Variants in CCDC171 observed in about 807,000 individuals in gnomAD.
CCDC171 encodes the protein coiled-coil domain-containing protein 171.
CCDC171 carries 177 observed loss-of-function variants against 168.2 expected under a neutral mutation model. The ratio of observed to expected loss-of-function variants is 1.05; its 90% CI spans 0.93 to 1.19. The LOEUF (loss-of-function observed/expected upper bound fraction) is 1.19. CCDC171 is among the 50% of genes most tolerant of loss of function. The pLI, the probability that CCDC171 is intolerant of heterozygous loss-of-function variation, is 0.00. For missense variants in CCDC171, 1,991 were observed against 1,539.0 expected (o/e 1.29, Z -4.91); for synonymous variants, 687 against 540.8 (o/e 1.27, Z -3.75).
intron 8 of CCDC171, among the ~76,000 whole-genome samples, chr9:15,662,225 C>T (rs1036741541): frequency 1.3e-5 from 2 of 152,072 alleles, no homozygotes; most frequent in Non-Finnish European, 2.9e-5. Flanking sequence ...TGCAGTGAGC[C>T]GAGATCGTGC....
rs117755982 is a variant in CCDC171, at chr9:15,900,129, G to A, written c.3601-20141G>A. The stretch of plus-strand genomic sequence containing the variant: ...GCTATAAAATTAGTCTTCTCCCCTC[G>A]ATGGTGGGTGATACCAGTAAATGTA... On this transcript the variant is annotated intron_variant, in intron 24 of 25. Transcript: ENST00000380701. 1.8e-4 allele frequency among the ~76,000 whole-genome samples: 27 copies of A among 152,188 alleles called. No individual in the cohort carries two copies. In the East Asian group the frequency reaches 4.6e-3, roughly 26 times the overall value.
At chr9:15,647,499 G>C (rs192560425) in intron 7 of CCDC171, among the ~76,000 whole-genome samples, 1,692 of 151,900 alleles carry the variant, frequency 0.011, 19 homozygotes, top group South Asian at 0.027. Flanking sequence ...TAGACCACTA[G>C]CAAGACTAAT....
At chr9:15,571,889 A>C in intron 3 of CCDC171, 130 bp downstream of exon 3, 1 of 727,200 alleles carries the variant, frequency 1.4e-6, no homozygotes, top group Non-Finnish European at 2.2e-6. Context: ...AAATTGTAAT[A>C]AAGGAAACAT....
chr9:15,834,179 G>T (rs780728474), intron 21 of CCDC171, among the ~76,000 whole-genome samples: 2 of 151,976 alleles, frequency 1.3e-5, no homozygotes, highest in East Asian at 1.9e-4. Context: ...ACTCAGCAAT[G>T]GTTTTGTTTC....
intron 25 of CCDC171, among the ~76,000 whole-genome samples, chr9:15,939,876 G>C (rs959019943): frequency 6.6e-5 from 10 of 151,832 alleles, no homozygotes; most frequent in Non-Finnish European, 1.5e-4. Context: ...ATGTCATAAA[G>C]TATCAATTAC....
At chr9:15,699,763 G>T (rs949987540) in intron 11 of CCDC171, among the ~76,000 whole-genome samples, 1 of 151,984 alleles carries the variant, frequency 6.6e-6, no homozygotes, top group Non-Finnish European at 1.5e-5. Context: ...TACAATCCCT[G>T]AGCTAGACAT....
intron 25 of CCDC171, among the ~76,000 whole-genome samples, chr9:15,946,644 T>C (rs2132385250): frequency 6.6e-6 from 1 of 152,164 alleles, no homozygotes; most frequent in Middle Eastern, 3.4e-3. Context: ...TACCAATGAC[T>C]TTCTTCACAG....
intron 3 of CCDC171, among the ~76,000 whole-genome samples, chr9:15,980,263 A>G (rs1194290392): frequency 6.6e-6 from 1 of 152,190 alleles, no homozygotes; most frequent in Non-Finnish European, 1.5e-5. Flanking sequence ...AAACAGGAAT[A>G]ATCTGCCCCC....
chr9:15,756,451 G>A (rs561843611), intron 18 of CCDC171, among the ~76,000 whole-genome samples: 55 of 152,234 alleles, frequency 3.6e-4, no homozygotes, highest in African/African-American at 1.3e-3. Flanking sequence ...ATTGTGTGAT[G>A]CTGAGGTTTG....
At chr9:16,083,725 C>T in the CCDC171 span, among the ~76,000 whole-genome samples, 2 of 152,260 alleles carry the variant, frequency 1.3e-5, no homozygotes, top group South Asian at 2.1e-4. Flanking sequence ...TGTTGAAAGG[C>T]CCTTCCAGTG....
chr9:15,837,053 A>G (rs1163013866), intron 21 of CCDC171, among the ~76,000 whole-genome samples: 1 of 152,180 alleles, frequency 6.6e-6, no homozygotes, highest in Non-Finnish European at 1.5e-5. Context: ...AGGGTTGAAA[A>G]TAGTTATCTC....
the CCDC171 span, among the ~76,000 whole-genome samples, chr9:16,085,524 A>G: frequency 1.6e-3 from 240 of 152,316 alleles, no homozygotes; most frequent in African/African-American, 5.4e-3. Flanking sequence ...GTGACTGAAC[A>G]CAGGTCTGCC....
intron 10 of CCDC171, among the ~76,000 whole-genome samples, chr9:15,690,333 AAAT>A (rs1367485202): frequency 1.3e-5 from 2 of 152,238 alleles, no homozygotes; most frequent in Non-Finnish European, 2.9e-5. Flanking sequence ...GGTACTGACA[AAAT>A]AATGAAGAAA....
chr9:15,627,017 A>T (rs1039066984), intron 7 of CCDC171, among the ~76,000 whole-genome samples: 2 of 151,976 alleles, frequency 1.3e-5, no homozygotes, highest in African/African-American at 4.8e-5. Flanking sequence ...CTATTTTGGG[A>T]TTCAACTTCT....
intron 9 of CCDC171, among the ~76,000 whole-genome samples, chr9:15,673,219 T>C (rs866882957): frequency 6.6e-6 from 1 of 152,268 alleles, no homozygotes; most frequent in Non-Finnish European, 1.5e-5. Flanking sequence ...GAGACTTTGC[T>C]GAAGTAGCTT....
chr9:16,021,112 A>G (rs2133020751), intron 4 of CCDC171, among the ~76,000 whole-genome samples: 1 of 152,270 alleles, frequency 6.6e-6, no homozygotes, highest in East Asian at 1.9e-4. Flanking sequence ...CTTTAGACGG[A>G]GTTTCACTCT....
At position 15,779,074 on chromosome 9, in the gene CCDC171, G is replaced by A. The variant is rs766978058; in HGVS notation, c.3005G>A (p.Arg1002Gln). ...CGCTTAGAGGTCACAGAATTCAAAC[G>A]AAGTGTGAATGAAATGAAAAAGGAG... is the stretch of plus-strand genomic sequence containing the variant. Reference protein sequence around the residue: ...SLRLEVTEFKRSVNEMKKELD... With the variant: ...SLRLEVTEFKQSVNEMKKELD... The change falls in exon 20 of 26, where the codon CGA becomes CAA. Residue 1002 changes from arginine (R) to glutamine (Q), a missense_variant. Physicochemically the swap from Arg to Gln is conservative, Grantham distance 43. Coordinates refer to ENST00000380701, the MANE Select transcript of CCDC171 (RefSeq NM_173550.4). 5.6e-6 allele frequency: 9 copies of A among 1,604,336 alleles called. No homozygotes were observed. The highest frequency in any genetic ancestry group is 1.3e-5 in the African/African-American group (1 of 74,630).
the CCDC171 span, among the ~76,000 whole-genome samples, chr9:16,086,097 T>A: frequency 6.6e-6 from 1 of 152,164 alleles, no homozygotes; most frequent in Non-Finnish European, 1.5e-5. Context: ...TTTTTTTGAT[T>A]TGTAGGCTAT....
In CCDC171 at chr9:16,006,893, C is replaced by T. The variant is rs532111214; in HGVS notation, n.369-13696C>T. Among the ~76,000 whole-genome samples the T allele has an allele frequency of 1.7e-4, 26 of 152,248 alleles. 1 individual carries two copies. The South Asian group carries it at 2.5e-3, about 15-fold the overall frequency. On this transcript the variant is annotated intron_variant and non_coding_transcript_variant, in intron 3 of 9. Coordinates refer to the CCDC171 transcript ENST00000486641. ...TGTGAATAGTACCGCAATAAACATA[C>T]GTGTGCATGTGTCTTTATAGCAGCA...
Sources: gnomAD v4.1 joint callset for allele counts (sites outside exome capture counted in the v4.1 genomes callset) on GRCh38, gnomAD v4.1.1 for gene constraint, MANE v1.5 for transcripts, NCBI Gene and HGNC (gene_info 2026-07-23, HGNC 2026-07-21) for gene names.